Variants in CRB1 observed in about 807,000 individuals in gnomAD.
The protein encoded by CRB1 is crumbs cell polarity complex component 1.
CRB1 carries 83 observed loss-of-function variants against 120.0 expected under a neutral mutation model. The observed-to-expected ratio is 0.69, with a 90% confidence interval of 0.58 to 0.83. The LOEUF (loss-of-function observed/expected upper bound fraction) is 0.83. Ranked by LOEUF, CRB1 falls within the 40% of genes least tolerant of loss-of-function variation. The probability of loss-of-function intolerance (pLI) is 0.00; values close to 1 mark genes in which losing one functional copy is unlikely to be tolerated. For synonymous variants in CRB1, 625 were observed against 612.5 expected (o/e 1.02, Z -0.30); for missense variants, 1,699 against 1,687.6 (o/e 1.01, Z -0.12).
At position 197,421,517 on chromosome 1, in the gene CRB1, C is replaced by T. The variant is rs751471821; in HGVS notation, c.1689C>T (p.Ser563=). 15 of 1,614,198 alleles carry T rather than the reference C, an allele frequency of 9.3e-6. No homozygotes were observed. Among genetic ancestry groups the T allele is most frequent in the South Asian group, 3.3e-5 (3 of 91,076 alleles). The change falls in exon 6 of 12, where the codon AGC becomes AGT. Residue 563 remains serine (S), a synonymous_variant. Coordinates refer to ENST00000367400, the MANE Select transcript of CRB1 (RefSeq NM_201253.3). ...KVLLFISHNT[S]DGEWHFVEVI... ...TTCTGTTCATTTCCCACAACACCAG[C>T]GATGGAGAGTGGCATTTCGTGGAGG...
chr1:197,296,060 T>C (rs1656499289), intron 1 of CRB1, among the ~76,000 whole-genome samples: 2 of 152,086 alleles, frequency 1.3e-5, no homozygotes, highest in South Asian at 2.1e-4. Flanking sequence ...GCACTAGACT[T>C]GAGAACCTGA....
intron 1 of CRB1, among the ~76,000 whole-genome samples, chr1:197,327,857 T>C (rs1049459468): frequency 9.9e-5 from 15 of 152,240 alleles, no homozygotes; most frequent in African/African-American, 3.6e-4. Flanking sequence ...ATTGTGTACA[T>C]TGGGATTCCT....
At chr1:197,288,051 T>C (rs1221435804) in intron 1 of CRB1, among the ~76,000 whole-genome samples, 1 of 151,794 alleles carries the variant, frequency 6.6e-6, no homozygotes, top group African/African-American at 2.4e-5. Context: ...GAGGGATTCA[T>C]AGAGAGCCGA....
upstream of CRB1, among the ~76,000 whole-genome samples, chr1:197,265,829 G>A (rs1654619141): frequency 8.5e-5 from 13 of 152,050 alleles, 1 homozygote; most frequent in South Asian, 2.7e-3. Flanking sequence ...GTGGACAACG[G>A]CAATATCCTT....
chr1:197,293,279 G>A (rs1000327649), intron 1 of CRB1, among the ~76,000 whole-genome samples: 11 of 152,048 alleles, frequency 7.2e-5, no homozygotes, highest in African/African-American at 2.7e-4. Context: ...CAGACAAACA[G>A]AGAGCCAAAT....
intron 1 of CRB1, among the ~76,000 whole-genome samples, chr1:197,324,553 G>A (rs781045067): frequency 1.3e-5 from 2 of 152,018 alleles, no homozygotes; most frequent in South Asian, 2.1e-4. Flanking sequence ...GCCCTGTTAG[G>A]CATTTTATGT....
chr1:197,287,076 A>G (rs2125230164), intron 1 of CRB1, among the ~76,000 whole-genome samples: 1 of 152,022 alleles, frequency 6.6e-6, no homozygotes, highest in Middle Eastern at 3.4e-3. Flanking sequence ...TATTTGTATC[A>G]TATATTCATA....
In CRB1 at chr1:197,434,688, A is replaced by C. The variant is rs752820999; in HGVS notation, c.2843-18A>C. Reference sequence around the variant, plus strand: ...AGATTTAATAAAGTTATTGATTATTATCACCTTCTCTCATTAGGTATTGCA... The same window carrying C: ...AGATTTAATAAAGTTATTGATTATTCTCACCTTCTCTCATTAGGTATTGCA... On this transcript the variant is annotated intron_variant, in intron 8 of 11. Transcript: ENST00000367400. The C allele has an allele frequency of 6.2e-7, 1 of 1,602,282 alleles. No individual in the cohort carries two copies. Among genetic ancestry groups the C allele is most frequent in the South Asian group, 1.1e-5 (1 of 90,726 alleles).
At chr1:197,221,121 G>A in the CRB1 span, among the ~76,000 whole-genome samples, 2 of 152,280 alleles carry the variant, frequency 1.3e-5, no homozygotes, top group East Asian at 1.9e-4. Flanking sequence ...TAAAGTGAAG[G>A]ATAGAGTATA....
intron 3 of CRB1, among the ~76,000 whole-genome samples, chr1:197,345,502 C>CTTTTTTTT (rs972072957): frequency 1.2e-4 from 11 of 90,616 alleles, no homozygotes; most frequent in South Asian, 7.7e-4. Context: ...AAAATAATGA[C>CTTTTTTTT]TTTTTTTTTT....
intron 4 of CRB1, among the ~76,000 whole-genome samples, chr1:197,355,521 CA>C (rs1175168351): frequency 6.6e-6 from 1 of 152,184 alleles, no homozygotes; most frequent in Non-Finnish European, 1.5e-5. Flanking sequence ...TGGCGGGCTG[CA>C]GGTTCCGAGC....
the CRB1 span, chr1:197,222,657 A>AC: frequency 6.4e-6 from 5 of 779,022 alleles, no homozygotes; most frequent in Non-Finnish European, 1.2e-5. Context: ...CCTTTCAGTC[A>AC]CCTTAGGACA....
At chr1:197,288,591 A>C (rs1267108352) in intron 1 of CRB1, among the ~76,000 whole-genome samples, 1 of 151,900 alleles carries the variant, frequency 6.6e-6, no homozygotes, top group Non-Finnish European at 1.5e-5. Context: ...CAGTTATTAC[A>C]ACTGTATTCC....
intron 1 of CRB1, among the ~76,000 whole-genome samples, chr1:197,321,571 A>T (rs1658196265): frequency 6.6e-6 from 1 of 152,258 alleles, no homozygotes; most frequent in African/African-American, 2.4e-5. Flanking sequence ...TTTTACTATT[A>T]GAAGGTGGTA....
chr1:197,215,569 C>T, the CRB1 span, among the ~76,000 whole-genome samples: 1 of 152,118 alleles, frequency 6.6e-6, no homozygotes, highest in African/African-American at 2.4e-5. Flanking sequence ...TGCCACTGTG[C>T]CCGGCGGGAG....
At chr1:197,262,088 G>A in the CRB1 span, among the ~76,000 whole-genome samples, 1 of 152,186 alleles carries the variant, frequency 6.6e-6, no homozygotes, top group Non-Finnish European at 1.5e-5. Context: ...TGATGACCCT[G>A]TCTTAAACTT....
chr1:197,260,810 C>T, the CRB1 span, among the ~76,000 whole-genome samples: 2 of 151,980 alleles, frequency 1.3e-5, no homozygotes, highest in Non-Finnish European at 2.9e-5. Flanking sequence ...GATGCTTCTG[C>T]CTCAGCCTCC....
chr1:197,298,906 C>A (rs947117158), intron 1 of CRB1, among the ~76,000 whole-genome samples: 1 of 151,930 alleles, frequency 6.6e-6, no homozygotes, highest in African/African-American at 2.4e-5. Flanking sequence ...AAAGCAAAAA[C>A]TTTATACTTT....
the CRB1 span, among the ~76,000 whole-genome samples, chr1:197,252,606 GTGTGTGTGAT>G: frequency 2.7e-5 from 3 of 113,010 alleles, no homozygotes; most frequent in Non-Finnish European, 5.8e-5. Context: ...GTGTGTGTGT[GTGTGTGTGAT>G]ATATATATGT....
Sources: allele counts gnomAD v4.1 joint callset (sites outside exome capture counted in the v4.1 genomes callset), GRCh38; gene constraint gnomAD v4.1.1; transcripts MANE v1.5; gene names NCBI Gene and HGNC (gene_info 2026-07-23, HGNC 2026-07-21).